Variants in NDE1 observed in about 807,000 individuals in gnomAD.
NDE1 encodes nudE neurodevelopment protein 1.
A neutral mutation model predicts 43.4 loss-of-function variants in NDE1; 28 were observed. The ratio of observed to expected loss-of-function variants is 0.65; its 90% confidence interval spans 0.48 to 0.89. The LOEUF (loss-of-function observed/expected upper bound fraction) is 0.89. Ranked by LOEUF, NDE1 falls within the 40% of genes least tolerant of loss-of-function variation. NDE1 has a pLI of 0.00. For synonymous variants in NDE1, 184 were observed against 172.0 expected, an observed-to-expected ratio of 1.07 and a Z score of -0.55; for missense variants, 441 against 434.1, an observed-to-expected ratio of 1.02 and a Z score of -0.14.
At chr16:15,716,505 G>C (rs1004942695) in intron 8 of NDE1, among the ~76,000 whole-genome samples, 2 of 151,830 alleles carry the variant, frequency 1.3e-5, no homozygotes, top group African/African-American at 2.4e-5. Context: ...TTGGACTTTT[G>C]TTTTTTGGGG....
intron 7 of NDE1, chr16:15,694,822 GA>G: frequency 1.0e-6 from 1 of 985,332 alleles, no homozygotes; most frequent in Non-Finnish European, 1.2e-6. Flanking sequence ...GGAAATTTGG[GA>G]AATTAGGGTG....
At chr16:15,719,540 C>T (rs200648205) in intron 8 of NDE1, 62 of 1,612,482 alleles carry the variant, frequency 3.8e-5, no homozygotes, top group African/African-American at 1.1e-4. Context: ...GGGGTGCTAC[C>T]GTGACACCCG....
At chr16:15,719,020 C>T (rs898178616) in intron 8 of NDE1, 6 of 632,212 alleles carry the variant, frequency 9.5e-6, no homozygotes, top group Non-Finnish European at 1.4e-5. Flanking sequence ...CTCAGCTACT[C>T]AGAAGGCTGA....
In NDE1 at chr16:15,684,129, A is replaced by T. The variant is rs547627953; in HGVS notation, c.387-3246A>T. On this transcript the variant is annotated intron_variant, in intron 4 of 8. Coordinates refer to ENST00000396354, the MANE Select transcript of NDE1 (RefSeq NM_017668.3). Reference sequence around the variant, plus strand: ...GCCTGTAATCCCAGTTACTTGACAGACTGAGGCAGGAGAATCGCTTGTACC... The same window carrying T: ...GCCTGTAATCCCAGTTACTTGACAGTCTGAGGCAGGAGAATCGCTTGTACC... The T allele has an allele frequency of 9.2e-5, 14 of 152,050 alleles. No homozygotes were observed. In the East Asian group the frequency reaches 2.7e-3, roughly 29 times the overall value. The allele number at this position is 152,050 out of a possible 1,614,324, so 9.4% of individuals were successfully genotyped here.
chr16:15,697,743 A>G (rs139981870), intron 8 of NDE1, among the ~76,000 whole-genome samples: 340 of 152,262 alleles, frequency 2.2e-3, no homozygotes, highest in African/African-American at 7.8e-3. Context: ...AAATAAAAAT[A>G]AAGCCCTTAT....
chr16:15,664,657 G>GTTT (rs372702195), intron 1 of NDE1, 79 bp from the exon 2 acceptor site: 187 of 725,394 alleles, frequency 2.6e-4, no homozygotes, highest in South Asian at 3.8e-4. Context: ...GCCTGGCCAA[G>GTTT]TTTTTTTTTT....
At position 15,674,564 on chromosome 16, in the gene NDE1, A is replaced by T. The variant is rs147933398; in HGVS notation, c.238-3237A>T. ...GCTCCCGGCCTGTCTTTGTTTTTAA[A>T]CCCAGAGATTGGAATGTTCTTTCTG... On this transcript the variant is annotated intron_variant, in intron 3 of 8. Transcript: ENST00000396354. 4.3e-3 allele frequency among the ~76,000 whole-genome samples: 656 copies of T among 152,084 alleles called. 5 individuals carry two copies. The highest frequency in any genetic ancestry group is 0.028 in the Admixed American group (419 of 15,232).
chr16:15,695,064 TC>T, intron 7 of NDE1: 1 of 245,290 alleles, frequency 4.1e-6, no homozygotes, highest in Non-Finnish European at 6.5e-6. Flanking sequence ...ACACTGGTGG[TC>T]CCAGCTACTC....
intron 8 of NDE1, chr16:15,718,835 TGGG>T: frequency 5.0e-6 from 2 of 402,784 alleles, no homozygotes; most frequent in Non-Finnish European, 9.3e-6. Flanking sequence ...AGCATTGAAA[TGGG>T]GGTCCAGGGC....
intron 3 of NDE1, among the ~76,000 whole-genome samples, chr16:15,675,676 C>T (rs2037833056): frequency 6.6e-6 from 1 of 152,058 alleles, no homozygotes; most frequent in Non-Finnish European, 1.5e-5. Context: ...AATCCTGCCT[C>T]TGCCACCTGA....
At chr16:15,648,031 T>G (rs1567609733), upstream of NDE1, among the ~76,000 whole-genome samples, 1 of 97,658 alleles carries the variant, frequency 1.0e-5, no homozygotes, top group East Asian at 2.3e-4. Context: ...AGACTCTGTC[T>G]CACAAAAAAA....
chr16:15,719,646 G>A, intron 8 of NDE1: 1 of 1,614,162 alleles, frequency 6.2e-7, no homozygotes, highest in South Asian at 1.1e-5. Flanking sequence ...CTCTTTGGCT[G>A]TGGCAAAGAT....
chr16:15,662,826 A>G (rs2037116779), intron 1 of NDE1, among the ~76,000 whole-genome samples: 1 of 151,828 alleles, frequency 6.6e-6, no homozygotes, highest in Admixed American at 6.6e-5. Flanking sequence ...CGATCTGCCT[A>G]CCTTGGCCTG....
intron 5 of NDE1, 106 bp from the exon 6 acceptor site, chr16:15,691,038 C>T: frequency 1.5e-6 from 2 of 1,375,222 alleles, no homozygotes; most frequent in Non-Finnish European, 2.0e-6. Context: ...GAACTCCTGA[C>T]CTCAGGCGAT....
Position 15,724,373 on chromosome 16 carries a change from T to C in NDE1, c.*122T>C, listed in dbSNP as rs1204333980. 1 of 1,614,036 alleles carries C rather than the reference T, an allele frequency of 6.2e-7. No homozygotes were observed. Among genetic ancestry groups the C allele is most frequent in the Non-Finnish European group, 8.5e-7 (1 of 1,180,044 alleles). On this transcript the variant is annotated 3_prime_UTR_variant, in exon 9 of 9. Transcript: ENST00000396354. ...CCCTCTTCCAGAGCTTCCACGGTGCTGGCAAAGTCCTGCAGCTTCTTCTTC... is the reference window on the plus strand; with the variant it reads ...CCCTCTTCCAGAGCTTCCACGGTGCCGGCAAAGTCCTGCAGCTTCTTCTTC...
At chr16:15,705,984 C>CAAAAAAAAAAAAAAAAAAAA (rs57451847) in intron 8 of NDE1, among the ~76,000 whole-genome samples, 3 of 56,764 alleles carry the variant, frequency 5.3e-5, no homozygotes, top group African/African-American at 2.2e-4. Context: ...GACTCCGTCT[C>CAAAAAAAAAAAAAAAAAAAA]AAAAAAAAAA....
At chr16:15,710,100 C>T (rs1003483243) in intron 8 of NDE1, among the ~76,000 whole-genome samples, 1 of 152,188 alleles carries the variant, frequency 6.6e-6, no homozygotes, top group Non-Finnish European at 1.5e-5. Flanking sequence ...GACCTTCCAC[C>T]TGCATTATGT....
At chr16:15,689,188 TGTG>T (rs1386453990) in intron 5 of NDE1, among the ~76,000 whole-genome samples, 10 of 152,176 alleles carry the variant, frequency 6.6e-5, no homozygotes, top group Admixed American at 4.6e-4. Context: ...ATAGAAATGT[TGTG>T]GTAGAAAGAT....
Position 15,677,891 on chromosome 16 carries a change from T to C in NDE1, c.328T>C (p.Leu110=), listed in dbSNP as rs772831392. 18 of 1,613,914 alleles carry C rather than the reference T, an allele frequency of 1.1e-5. No homozygotes were observed. The highest frequency in any genetic ancestry group is 2.2e-5 in the South Asian group (2 of 91,076). The change falls in exon 4 of 9, where the codon TTG becomes CTG. Residue 110 remains leucine, a synonymous_variant. Transcript: ENST00000396354. ...GCAGACCAAAGCCATTAAAGACCAA[T>C]TGCAGAAATACATCAGAGAGCTGGA... ...LAQTKAIKDQ[L]QKYIRELEQA...
Sources: allele counts gnomAD v4.1 joint callset (sites outside exome capture counted in the v4.1 genomes callset), GRCh38; gene constraint gnomAD v4.1.1; transcripts MANE v1.5; gene names NCBI Gene and HGNC (gene_info 2026-07-23, HGNC 2026-07-21).